FAT1: variants seen among roughly 807,000 people sequenced by gnomAD.
FAT1 encodes the protein protocadherin Fat 1.
FAT1 carries 171 observed loss-of-function variants against 329.8 expected under a neutral mutation model. That is an observed-to-expected ratio of 0.52 (90% CI 0.46 to 0.59). The LOEUF is 0.59. Among genes scored for constraint, FAT1 ranks in the 20% least tolerant of loss-of-function variants. The pLI, the probability that FAT1 is intolerant of heterozygous loss-of-function variation, is 0.00. For missense variants in FAT1, 5,672 were observed against 5,774.4 expected (o/e 0.98, Z 0.57); for synonymous variants, 2,233 against 2,228.6 (o/e 1.00, Z -0.06).
At chr4:186,656,975 C>T (rs941918343) in intron 3 of FAT1, among the ~76,000 whole-genome samples, 9 of 152,026 alleles carry the variant, frequency 5.9e-5, no homozygotes, top group African/African-American at 2.2e-4. Flanking sequence ...AACATAAAAC[C>T]ACCAAGAAGC....
Position 186,692,700 on chromosome 4 carries a change from G to A in FAT1, c.3265+13863C>T, listed in dbSNP as rs576448716. Among the ~76,000 whole-genome samples, 14 of 151,674 alleles carry A rather than the reference G, an allele frequency of 9.2e-5. No individual in the cohort carries two copies. The East Asian group carries it at 1.9e-3, about 21-fold the overall frequency. ...CACTCCTATATTCTCTCCTCATTTC[G>A]GTGTCTATTTCCACGCCCCCCAGTC... On this transcript the variant is annotated intron_variant, in intron 2 of 26. Transcript: ENST00000441802.
chr4:186,642,052 A>G (rs1302134053), intron 3 of FAT1, among the ~76,000 whole-genome samples: 1 of 151,368 alleles, frequency 6.6e-6, no homozygotes, highest in Non-Finnish European at 1.5e-5. Context: ...CTACCTGACC[A>G]CCTCCTTCCT....
At chr4:186,655,351 AC>A (rs1182962589) in intron 3 of FAT1, among the ~76,000 whole-genome samples, 1 of 152,212 alleles carries the variant, frequency 6.6e-6, no homozygotes, top group Non-Finnish European at 1.5e-5. Context: ...AAATCAGTAG[AC>A]CAGTGAAATG....
intron 2 of FAT1, among the ~76,000 whole-genome samples, chr4:186,667,997 C>G (rs1347105794): frequency 3.9e-5 from 6 of 152,104 alleles, no homozygotes; most frequent in Admixed American, 2.6e-4. Flanking sequence ...TGAGGAAAGG[C>G]CACAAGGAGT....
intron 26 of FAT1, among the ~76,000 whole-genome samples, chr4:186,595,212 G>T (rs969371461): frequency 1.1e-4 from 17 of 152,118 alleles, no homozygotes; most frequent in Admixed American, 1.1e-3. Flanking sequence ...AGTGGGGTTG[G>T]GGGAGGAGAC....
chr4:186,659,603 C>A (rs1742070525), intron 3 of FAT1, among the ~76,000 whole-genome samples: 2 of 151,712 alleles, frequency 1.3e-5, no homozygotes, highest in Admixed American at 1.3e-4. Context: ...GCACTCTACA[C>A]ACACAAGCCC....
rs1211252364 is a variant in FAT1, at chr4:186,645,951, A to C, written c.3581-6168T>G. 1.7e-3 allele frequency among the ~76,000 whole-genome samples: 189 copies of C among 112,478 alleles called. 2 individuals are homozygous for C. The highest frequency in any genetic ancestry group is 6.7e-3 in the African/African-American group (181 of 26,964). 73.8% of individuals were successfully genotyped at this position (112,478 alleles called of 152,430 possible). A position where few individuals can be genotyped will look rare whatever the true frequency, so the allele number is the denominator to read the frequency against. The stretch of plus-strand genomic sequence containing the variant: ...ACAGAGTGAGACTGTCTCACAAAAA[A>C]AAAAAAAAAAAATATATACACACAC... On this transcript the variant is annotated intron_variant, in intron 3 of 26. Coordinates refer to ENST00000441802, the MANE Select transcript of FAT1 (RefSeq NM_005245.4).
rs567639100 is a variant in FAT1 at position 186,602,371 on chromosome 4, G to A, written c.11482+532C>T. Reference sequence around the variant, plus strand: ...ATCTATACACCGTATAGAAATGAACGCATCAGTATGTAAAGATACATGTAT... The same window carrying A: ...ATCTATACACCGTATAGAAATGAACACATCAGTATGTAAAGATACATGTAT... On this transcript the variant is annotated intron_variant, in intron 20 of 26. Transcript: ENST00000441802. Among the ~76,000 whole-genome samples, 12 of 152,262 alleles carry A rather than the reference G, an allele frequency of 7.9e-5. No individual in the cohort carries two copies. In the South Asian group the frequency reaches 1.2e-3, roughly 16 times the overall value.
chr4:186,598,224 A>T (rs772225327), intron 22 of FAT1, 99 bp from the exon 23 acceptor site: 24 of 1,164,776 alleles, frequency 2.1e-5, no homozygotes, highest in Non-Finnish European at 2.4e-5. Flanking sequence ...CGAGGTCTGT[A>T]AAAGCTCGTA....
At chr4:186,662,793 A>T (rs1742240882) in intron 3 of FAT1, among the ~76,000 whole-genome samples, 1 of 152,198 alleles carries the variant, frequency 6.6e-6, no homozygotes, top group Non-Finnish European at 1.5e-5. Flanking sequence ...TAATCGTAAA[A>T]TAGCTTTATA....
At chr4:186,605,008 C>T (rs764685841) in intron 17 of FAT1, among the ~76,000 whole-genome samples, 4 of 151,818 alleles carry the variant, frequency 2.6e-5, no homozygotes, top group Non-Finnish European at 5.9e-5. Context: ...CACCTGAGGT[C>T]AGGAGTTCGA....
chr4:186,667,331 C>T lies in FAT1; in HGVS notation c.3266-3718G>A, dbSNP rs376251564. Among the ~76,000 whole-genome samples the T allele has an allele frequency of 9.2e-5, 14 of 151,794 alleles. No individual in the cohort carries two copies. The East Asian group carries it at 9.7e-4, about 11-fold the overall frequency. Reference sequence around the variant, plus strand: ...ATCAGGAGGGGATTGTCGGCCTCCCCGGTAATCTACGGATATTACTAAAGG... The same window carrying T: ...ATCAGGAGGGGATTGTCGGCCTCCCTGGTAATCTACGGATATTACTAAAGG... On this transcript the variant is annotated intron_variant, in intron 2 of 26. Transcript: ENST00000441802.
chr4:186,691,776 C>T (rs2126660476), intron 2 of FAT1, among the ~76,000 whole-genome samples: 1 of 152,072 alleles, frequency 6.6e-6, no homozygotes, highest in African/African-American at 2.4e-5. Context: ...CCACTGTACT[C>T]CAGTCTGAGA....
At chr4:186,694,125 G>C (rs1743918863) in intron 2 of FAT1, among the ~76,000 whole-genome samples, 1 of 147,422 alleles carries the variant, frequency 6.8e-6, no homozygotes, top group Admixed American at 6.7e-5. Context: ...ACCTCTCCCA[G>C]ACTCAACCTG....
chr4:186,605,972 C>G (rs2126446245), intron 17 of FAT1, 98 bp downstream of exon 17: 1 of 1,178,948 alleles, frequency 8.5e-7, no homozygotes. Context: ...TCCCATTTTT[C>G]TAGAAAGAAA....
chr4:186,606,676 C>T (rs1739153505), intron 16 of FAT1, among the ~76,000 whole-genome samples: 2 of 152,156 alleles, frequency 1.3e-5, no homozygotes, highest in African/African-American at 4.8e-5. Flanking sequence ...CCTCAGGACA[C>T]TCCAGATCAC....
At chr4:186,721,649 C>A (rs1169753994) in intron 1 of FAT1, among the ~76,000 whole-genome samples, 3 of 152,112 alleles carry the variant, frequency 2.0e-5, no homozygotes, top group Admixed American at 6.5e-5. Flanking sequence ...ATTGATTCTA[C>A]GTAAAATCAG....
intron 24 of FAT1, 29 bp downstream of exon 24, chr4:186,597,653 G>C (rs773774314): frequency 6.5e-7 from 1 of 1,538,802 alleles, no homozygotes. Context: ...GAAAAGGTAT[G>C]AACCTAAATT....
chr4:186,667,436 A>C (rs1742505071), intron 2 of FAT1, among the ~76,000 whole-genome samples: 1 of 152,254 alleles, frequency 6.6e-6, no homozygotes, highest in Non-Finnish European at 1.5e-5. Context: ...AGTATGAATG[A>C]GTGAGATGCT....
Sources: allele counts gnomAD v4.1 joint callset (sites outside exome capture counted in the v4.1 genomes callset), GRCh38; gene constraint gnomAD v4.1.1; transcripts MANE v1.5; gene names NCBI Gene and HGNC (gene_info 2026-07-23, HGNC 2026-07-21).